TBC1D9B: variants seen among roughly 807,000 people sequenced by gnomAD.
The protein encoded by TBC1D9B is TBC1 domain family, member 9B (with GRAM domain).
A neutral mutation model predicts 121.1 loss-of-function variants in TBC1D9B; 87 were observed. That is an observed-to-expected ratio of 0.72 (90% CI 0.60 to 0.86). The LOEUF is 0.86. Ranked by LOEUF, TBC1D9B falls within the 40% of genes least tolerant of loss-of-function variation. The probability of loss-of-function intolerance (pLI) is 0.00; values close to 1 mark genes in which losing one functional copy is unlikely to be tolerated. For synonymous variants in TBC1D9B, 668 were observed against 670.1 expected (o/e 1.00, Z 0.05); for missense variants, 1,540 against 1,628.6 (o/e 0.95, Z 0.94).
chr5:179,875,862 C>T lies in TBC1D9B; in HGVS notation c.1900+58G>A, dbSNP rs2113615025. 2 of 1,430,484 alleles carry T rather than the reference C, an allele frequency of 1.4e-6. No individual in the cohort carries two copies. Among genetic ancestry groups the T allele is most frequent in the Non-Finnish European group, 1.9e-6 (2 of 1,059,208 alleles). 88.6% of individuals were successfully genotyped at this position (1,430,484 alleles called of 1,614,324 possible). On this transcript the variant is annotated intron_variant, in intron 11 of 20. Transcript: ENST00000355235. This position sits in a 1 kb window ranked among gnomAD's most constrained non-coding sequence, Gnocchi z 4.5. ...GCTTGGCCTGGGAAGGGCTGCCACCCTCATGGAACCAGCAGGCACCTGGAG... is the reference window on the plus strand; with the variant it reads ...GCTTGGCCTGGGAAGGGCTGCCACCTTCATGGAACCAGCAGGCACCTGGAG...
At chr5:179,879,597 G>C (rs376659618) in intron 8 of TBC1D9B, 31 bp downstream of exon 8, 1 of 1,613,370 alleles carries the variant, frequency 6.2e-7, no homozygotes, top group South Asian at 1.1e-5. Context: ...CGCTCTTGAC[G>C]GAGGCTGGAG....
intron 10 of TBC1D9B, among the ~76,000 whole-genome samples, chr5:179,877,909 T>C (rs1395536868): frequency 1.3e-5 from 2 of 152,112 alleles, no homozygotes; most frequent in Non-Finnish European, 2.9e-5. Context: ...TCGGGGCATG[T>C]TTAATGGGCA....
chr5:179,876,863 G>A (rs548974096), intron 10 of TBC1D9B, among the ~76,000 whole-genome samples: 2 of 152,096 alleles, frequency 1.3e-5, no homozygotes, highest in Middle Eastern at 3.4e-3. Context: ...TTGAGCCCAG[G>A]AGTTCAAGAC....
chr5:179,878,488 A>AG lies in TBC1D9B; in HGVS notation c.1602dup (p.Tyr535LeufsTer3). 1 of 1,610,692 alleles carries AG rather than the reference A, an allele frequency of 6.2e-7. No individual in the cohort carries two copies. Among genetic ancestry groups the AG allele is most frequent in the Non-Finnish European group, 8.5e-7 (1 of 1,178,482 alleles). ...GTGGACTTCTCCACCAGCTCAGCAT[A>AG]GTACCCGGGGTGAGTCACCATCTCA... On this transcript the variant is annotated frameshift_variant, in exon 10 of 21. Transcript: ENST00000355235. LOFTEE classifies it high-confidence loss of function.
chr5:179,863,490 G>A lies in TBC1D9B; in HGVS notation c.3660C>T (p.Phe1220=). ...IKDQKKVERQ[F]STASDHEQPG... is the part of the protein sequence containing the mutation. ...GCTGCTCATGGTCACTGGCGGTGCT[G>A]AACTGTCTCTCCACTTTCTTTTGGT... The change falls in exon 21 of 21, where the codon TTC becomes TTT. Residue 1220 remains phenylalanine, a synonymous_variant. Coordinates refer to ENST00000355235, the MANE Select transcript of TBC1D9B (RefSeq NM_015043.4). This position sits in a 1 kb window ranked among gnomAD's most constrained non-coding sequence, Gnocchi z 4.5. The A allele has an allele frequency of 6.2e-7, 1 of 1,614,218 alleles. No individual in the cohort carries two copies. The highest frequency in any genetic ancestry group is 8.5e-7 in the Non-Finnish European group (1 of 1,180,034).
At position 179,875,248 on chromosome 5, in the gene TBC1D9B, C is replaced by A; in HGVS notation, c.1901-61G>T. 1 of 1,573,046 alleles carries A rather than the reference C, an allele frequency of 6.4e-7. No homozygotes were observed. The highest frequency in any genetic ancestry group is 8.6e-7 in the Non-Finnish European group (1 of 1,163,470). On this transcript the variant is annotated intron_variant, in intron 11 of 20. Coordinates refer to ENST00000355235, the MANE Select transcript of TBC1D9B (RefSeq NM_015043.4). The surrounding 1 kb of genome is among the most constrained non-coding windows in gnomAD (Gnocchi z 4.5). ...ACCCTGTGGCCTGGGTGGGCCCTCA[C>A]CTGCAGCGTACGAGCCCTGGCCACT...
chr5:179,902,994 C>T lies in TBC1D9B; in HGVS notation c.229+1708G>A, dbSNP rs1761204392. Reference sequence around the variant, plus strand: ...CGCCCACCTGGGAGTGGGGCTATTCCCGGGGTGCCGCCCGCCCTGTGCTTT... The same window carrying T: ...CGCCCACCTGGGAGTGGGGCTATTCTCGGGGTGCCGCCCGCCCTGTGCTTT... On this transcript the variant is annotated intron_variant, in intron 2 of 20. Transcript: ENST00000355235. This position sits in a 1 kb window ranked among gnomAD's most constrained non-coding sequence, Gnocchi z 4.9. Among the ~76,000 whole-genome samples, 1 of 152,178 alleles carries T rather than the reference C, an allele frequency of 6.6e-6. No individual in the cohort carries two copies.
rs1760638856 is a variant in TBC1D9B at position 179,885,031 on chromosome 5, A to G, written c.1254+3072T>C. Among the ~76,000 whole-genome samples, 1 of 151,842 alleles carries G rather than the reference A, an allele frequency of 6.6e-6. No individual in the cohort carries two copies. The highest frequency in any genetic ancestry group is 1.5e-5 in the Non-Finnish European group (1 of 67,988). ...GAATCTGACCCCTTCTTACACCTACACTGTTCCTACCCTTGATGCTCGACT... is the reference window on the plus strand; with the variant it reads ...GAATCTGACCCCTTCTTACACCTACGCTGTTCCTACCCTTGATGCTCGACT... On this transcript the variant is annotated intron_variant, in intron 7 of 20. Coordinates refer to ENST00000355235, the MANE Select transcript of TBC1D9B (RefSeq NM_015043.4). This position sits in a 1 kb window ranked among gnomAD's most constrained non-coding sequence, Gnocchi z 4.5.
chr5:179,903,764 A>G (rs190592), intron 2 of TBC1D9B, among the ~76,000 whole-genome samples: 17,798 of 152,176 alleles, frequency 0.12, 3,371 homozygotes, highest in African/African-American at 0.4. Flanking sequence ...TAGGAACAAG[A>G]GCGCTATGCT....
chr5:179,872,820 C>T (rs572257193), intron 14 of TBC1D9B, 72 bp downstream of exon 14: 34 of 1,481,908 alleles, frequency 2.3e-5, no homozygotes, highest in Middle Eastern at 2.0e-4. Context: ...GCCCTGTACC[C>T]ACCCTGCTCT....
rs1270914773 is a variant in TBC1D9B at position 179,907,547 on chromosome 5, C to T, written c.118+157G>A. On this transcript the variant is annotated intron_variant, in intron 1 of 20. Transcript: ENST00000355235. This position sits in a 1 kb window ranked among gnomAD's most constrained non-coding sequence, Gnocchi z 5.3. ...GCCCCTCCGCGCCCGGCTCCCGGGT[C>T]CTGGCCTCGCGCCCCCGCCCCGCCG... Among the ~76,000 whole-genome samples the T allele has an allele frequency of 2.0e-5, 3 of 148,694 alleles. No homozygotes were observed. The highest frequency in any genetic ancestry group is 4.5e-5 in the Non-Finnish European group (3 of 66,864).
At position 179,874,934 on chromosome 5, in the gene TBC1D9B, G is replaced by A. The variant is rs192488842; in HGVS notation, c.2154C>T (p.Ser718=). Residue 718 remains serine, a synonymous_variant, in exon 12 of 21, where the codon AGC becomes AGT. Transcript: ENST00000355235. The surrounding 1 kb of genome is among the most constrained non-coding windows in gnomAD (Gnocchi z 4.3). The part of the protein sequence containing the change: ...DANMEQLLGC[S]DEGEAMTMLG... ...GCATGGTCATGGCCTCGCCCTCGTC[G>A]CTGCAGCCCAGCAGCTGCTCCATGT... is the stretch of plus-strand genomic sequence containing the variant. The A allele has an allele frequency of 1.2e-5, 19 of 1,613,552 alleles. No individual in the cohort carries two copies. In the African/African-American group the frequency reaches 1.3e-4, roughly 11 times the overall value.
At position 179,874,798 on chromosome 5, in the gene TBC1D9B, G is replaced by A; in HGVS notation, c.2186+104C>T. 1 of 1,501,180 alleles carries A rather than the reference G, an allele frequency of 6.7e-7. No homozygotes were observed. Among genetic ancestry groups the A allele is most frequent in the South Asian group, 1.3e-5 (1 of 76,970 alleles). The allele number at this position is 1,501,180 out of a possible 1,614,324, so 93.0% of individuals were successfully genotyped here. The stretch of plus-strand genomic sequence containing the variant: ...GCACCCCCGGGTCCAGCTGCAGCCT[G>A]GCACTTGGTGGGCACAGTCACTTCA... On this transcript the variant is annotated intron_variant, in intron 12 of 20. Transcript: ENST00000355235. This position sits in a 1 kb window ranked among gnomAD's most constrained non-coding sequence, Gnocchi z 4.3.
In TBC1D9B at chr5:179,902,904, C is replaced by G. The variant is rs574379293; in HGVS notation, c.229+1798G>C. Among the ~76,000 whole-genome samples the G allele has an allele frequency of 6.9e-6, 1 of 144,720 alleles. No individual in the cohort carries two copies. The highest frequency in any genetic ancestry group is 6.6e-5 in the Admixed American group (1 of 15,154). The allele number at this position is 144,720 out of a possible 152,430, so 94.9% of individuals were successfully genotyped here. A position where few individuals can be genotyped will look rare whatever the true frequency, so the allele number is the denominator to read the frequency against. On this transcript the variant is annotated intron_variant, in intron 2 of 20. Coordinates refer to ENST00000355235, the MANE Select transcript of TBC1D9B (RefSeq NM_015043.4). This position sits in a 1 kb window ranked among gnomAD's most constrained non-coding sequence, Gnocchi z 4.9. ...GCCTTGGACAAACTCCCCTTCCTAA[C>G]TCTTACTGAGTTATTCAGTCCTGCA...
In TBC1D9B at chr5:179,885,873, C is replaced by T. The variant is rs543495916; in HGVS notation, c.1254+2230G>A. ...CTCTCACCTGAAGTCAAAGCTGCAG[C>T]ACTCACAGGGCCTACGGGCTTTCGG... On this transcript the variant is annotated intron_variant, in intron 7 of 20. Coordinates refer to ENST00000355235, the MANE Select transcript of TBC1D9B (RefSeq NM_015043.4). This position sits in a 1 kb window ranked among gnomAD's most constrained non-coding sequence, Gnocchi z 4.5. 1.6e-4 allele frequency among the ~76,000 whole-genome samples: 24 copies of T among 152,356 alleles called. No homozygotes were observed. The highest frequency in any genetic ancestry group is 5.8e-4 in the African/African-American group (24 of 41,586).
intron 6 of TBC1D9B, among the ~76,000 whole-genome samples, chr5:179,889,863 C>A (rs1396797028): frequency 7.9e-6 from 1 of 126,514 alleles, no homozygotes; most frequent in Non-Finnish European, 1.6e-5. Flanking sequence ...AAGAGTGAGA[C>A]CCTGTCTCAA....
In TBC1D9B at chr5:179,879,693, C is replaced by G; in HGVS notation, c.1351G>C (p.Ala451Pro). Residue 451 changes from alanine (A) to proline (P), a missense_variant, in exon 8 of 21, where the codon GCA becomes CCA. Coordinates refer to ENST00000355235, the MANE Select transcript of TBC1D9B (RefSeq NM_015043.4). The stretch of plus-strand genomic sequence containing the variant: ...AAGAGCTTCAGCAGGCCCTGGGATG[C>G]GGTTGGCGCCTCCTGCGCACAGAAG... The part of the protein sequence containing the change: ...QSFCAQEAPT[A>P]SQGLLKLFQK... 1 of 1,614,164 alleles carries G rather than the reference C, an allele frequency of 6.2e-7. No individual in the cohort carries two copies. The highest frequency in any genetic ancestry group is 1.1e-5 in the South Asian group (1 of 91,086).
In TBC1D9B at chr5:179,879,115, T is replaced by C. The variant is rs1760452397; in HGVS notation, c.1499A>G (p.Lys500Arg). Residue 500 changes from lysine (K) to arginine (R), a missense_variant, in exon 9 of 21, where the codon AAG (lysine) becomes AGG (arginine). By Grantham distance (26) the Lys-to-Arg change is conservative (BLOSUM62 2). Transcript: ENST00000355235. ...GRGVCMYRTA[K>R]TRALVLKGIP... The stretch of plus-strand genomic sequence containing the variant: ...ACCCTTCAGGACCAGTGCCCGCGTC[T>C]TGGCTGTGCGGTACATGCACACGCC... 20 of 1,607,958 alleles carry C rather than the reference T, an allele frequency of 1.2e-5. No homozygotes were observed. Among genetic ancestry groups the C allele is most frequent in the Non-Finnish European group, 1.5e-5 (18 of 1,179,934 alleles).
At chr5:179,894,175 C>T (rs912637935) in intron 4 of TBC1D9B, among the ~76,000 whole-genome samples, 1 of 152,174 alleles carries the variant, frequency 6.6e-6, no homozygotes, top group Non-Finnish European at 1.5e-5. Context: ...ATGTAGAGAA[C>T]CCTACTAGCG....
Sources: allele counts gnomAD v4.1 joint callset (sites outside exome capture counted in the v4.1 genomes callset), GRCh38; gene constraint gnomAD v4.1.1; non-coding constraint Gnocchi (gnomAD v3.1); transcripts MANE v1.5; gene names NCBI Gene and HGNC (gene_info 2026-07-23, HGNC 2026-07-21).